GRM1: variants seen among roughly 807,000 people sequenced by gnomAD.
The protein encoded by GRM1 is glutamate metabotropic receptor 1, also known as metabotropic glutamate receptor 1.
A neutral mutation model predicts 90.9 loss-of-function variants in GRM1; 33 were observed. The observed-to-expected ratio is 0.36, with a 90% confidence interval of 0.28 to 0.49. The LOEUF is 0.49. GRM1 is among the 20% of genes least tolerant of loss of function. GRM1 has a pLI of 0.99. For missense variants in GRM1, 1,190 were observed against 1,534.3 expected, an observed-to-expected ratio of 0.78 and a Z score of 3.75; for synonymous variants, 700 against 613.2, an observed-to-expected ratio of 1.14 and a Z score of -2.09.
At chr6:146,283,271 T>C (rs1782640483) in intron 2 of GRM1, among the ~76,000 whole-genome samples, 1 of 152,182 alleles carries the variant, frequency 6.6e-6, no homozygotes, top group African/African-American at 2.4e-5. Context: ...TGTGGTGGTT[T>C]GTTATAATTA....
At chr6:146,200,161 T>C (rs1779255133) in intron 2 of GRM1, among the ~76,000 whole-genome samples, 1 of 152,190 alleles carries the variant, frequency 6.6e-6, no homozygotes, top group Admixed American at 6.5e-5. Flanking sequence ...TGGCTGAGCA[T>C]TAAAACATTT....
At chr6:146,118,227 C>T (rs147694485) in intron 1 of GRM1, among the ~76,000 whole-genome samples, 14 of 148,784 alleles carry the variant, frequency 9.4e-5, no homozygotes, top group Non-Finnish European at 8.9e-5. Flanking sequence ...GCAAGCTCCA[C>T]TTCCTGGGTT....
At chr6:146,209,143 T>G (rs1315465596) in intron 2 of GRM1, among the ~76,000 whole-genome samples, 1 of 152,140 alleles carries the variant, frequency 6.6e-6, no homozygotes, top group Non-Finnish European at 1.5e-5. Context: ...AAGCTAAAGG[T>G]TGGCATGACC....
At chr6:146,076,557 G>A (rs2128861157) in intron 1 of GRM1, among the ~76,000 whole-genome samples, 1 of 152,260 alleles carries the variant, frequency 6.6e-6, no homozygotes, top group Admixed American at 6.5e-5. Context: ...GGGAGTCAAG[G>A]GTGAATCCAA....
At chr6:146,028,254 TG>T (rs1790566806), upstream of GRM1, among the ~76,000 whole-genome samples, 3 of 150,070 alleles carry the variant, frequency 2.0e-5, no homozygotes, top group African/African-American at 7.3e-5. Flanking sequence ...TGTGTGTGTG[TG>T]TGTGTGTGTG....
chr6:146,394,941 G>A (rs1776874511), intron 6 of GRM1, among the ~76,000 whole-genome samples: 1 of 152,056 alleles, frequency 6.6e-6, no homozygotes, highest in Non-Finnish European at 1.5e-5. Flanking sequence ...GCATGAGCTG[G>A]ACACATCTTC....
chr6:146,310,209 C>G (rs1371010603), intron 3 of GRM1, among the ~76,000 whole-genome samples: 1 of 152,170 alleles, frequency 6.6e-6, no homozygotes, highest in Non-Finnish European at 1.5e-5. Context: ...AGTTTGGAGG[C>G]TGCCATTCAC....
intron 2 of GRM1, among the ~76,000 whole-genome samples, chr6:146,187,069 C>A (rs2206518): frequency 1 from 152,294 of 152,294 alleles, 76,147 homozygotes; most frequent in Non-Finnish European, 1. Flanking sequence ...AAGAAGGAGA[C>A]CTAGAAATAT....
intron 2 of GRM1, among the ~76,000 whole-genome samples, chr6:146,244,902 C>T (rs1781002644): frequency 6.6e-6 from 1 of 152,226 alleles, no homozygotes; most frequent in Non-Finnish European, 1.5e-5. Context: ...GGGTAGTTCT[C>T]AGCTACTGCT....
At chr6:146,220,736 G>C (rs1250289721) in intron 2 of GRM1, among the ~76,000 whole-genome samples, 1 of 151,958 alleles carries the variant, frequency 6.6e-6, no homozygotes, top group South Asian at 2.1e-4. Context: ...TGTCCTCATA[G>C]AGTTACAGTA....
intron 6 of GRM1, among the ~76,000 whole-genome samples, chr6:146,394,150 C>T (rs1057216203): frequency 2.0e-5 from 3 of 152,276 alleles, no homozygotes; most frequent in African/African-American, 7.2e-5. Context: ...AGACCTAAAT[C>T]CGTAAAAACT....
intron 4 of GRM1, among the ~76,000 whole-genome samples, chr6:146,357,187 T>C (rs940672794): frequency 1.3e-5 from 2 of 152,216 alleles, no homozygotes; most frequent in African/African-American, 4.8e-5. Flanking sequence ...ATTAATGTTC[T>C]TATTGATACT....
chr6:146,397,330 C>A (rs1032607504), intron 6 of GRM1, among the ~76,000 whole-genome samples: 1 of 151,358 alleles, frequency 6.6e-6, no homozygotes, highest in Non-Finnish European at 1.5e-5. Context: ...AAAAATTAGC[C>A]GGGCATGGTG....
At chr6:146,375,095 AT>A (rs1168235565) in intron 5 of GRM1, among the ~76,000 whole-genome samples, 2 of 151,916 alleles carry the variant, frequency 1.3e-5, no homozygotes, top group South Asian at 2.1e-4. Context: ...ATTTCAATAA[AT>A]TTTTCAATTT....
intron 1 of GRM1, among the ~76,000 whole-genome samples, chr6:146,076,873 G>A (rs991494606): frequency 1.2e-4 from 18 of 152,146 alleles, no homozygotes; most frequent in African/African-American, 4.3e-4. Flanking sequence ...AAGTCTTCAG[G>A]CTGTGTTATC....
chr6:146,108,158 C>T (rs1332512378), intron 1 of GRM1, among the ~76,000 whole-genome samples: 1 of 152,118 alleles, frequency 6.6e-6, no homozygotes, highest in African/African-American at 2.4e-5. Flanking sequence ...GCTAAGTTGC[C>T]TAGCTGATAA....
chr6:146,132,916 T>C lies in GRM1; in HGVS notation c.701-26432T>C, dbSNP rs138286343. Among the ~76,000 whole-genome samples the C allele has an allele frequency of 3.1e-3, 479 of 152,368 alleles. 3 individuals are homozygous for C. Among genetic ancestry groups the C allele is most frequent in the African/African-American group, 0.011 (443 of 41,598 alleles). ...TCCAAAGGCCTAGTTCTACCTGGCA[T>C]GTACATGCTGGAAAACATTGAACAA... On this transcript the variant is annotated intron_variant, in intron 1 of 7. Transcript: ENST00000282753.
At chr6:146,185,246 T>C (rs1416607856) in intron 2 of GRM1, among the ~76,000 whole-genome samples, 1 of 152,138 alleles carries the variant, frequency 6.6e-6, no homozygotes, top group African/African-American at 2.4e-5. Context: ...CAGTCCAATA[T>C]ACGCTGACCA....
intron 1 of GRM1, among the ~76,000 whole-genome samples, chr6:146,059,732 C>A (rs549722277): frequency 6.5e-4 from 99 of 152,226 alleles, no homozygotes; most frequent in African/African-American, 2.3e-3. Context: ...TGATAACTTC[C>A]TGCAACTTGT....
Sources: allele counts gnomAD v4.1 joint callset (sites outside exome capture counted in the v4.1 genomes callset), GRCh38; gene constraint gnomAD v4.1.1; transcripts MANE v1.5; gene names NCBI Gene and HGNC (gene_info 2026-07-23, HGNC 2026-07-21).